PREX1: variants seen among roughly 807,000 people sequenced by gnomAD.
PREX1 encodes the protein phosphatidylinositol-3,4,5-trisphosphate dependent Rac exchange factor 1, also known as phosphatidylinositol 3,4,5-trisphosphate-dependent Rac exchanger 1 protein.
A neutral mutation model predicts 198.3 loss-of-function variants in PREX1; 41 were observed. The observed-to-expected ratio is 0.21, with a 90% CI of 0.16 to 0.27. PREX1 has a LOEUF of 0.27. PREX1 is among the 10% of genes least tolerant of loss of function. The pLI, the probability that PREX1 is intolerant of heterozygous loss-of-function variation, is 1.00. For missense variants in PREX1, 1,620 were observed against 2,200.7 expected (o/e 0.74, Z 5.28); for synonymous variants, 843 against 887.2 (o/e 0.95, Z 0.89).
At chr20:48,818,938 G>C (rs2090470855) in intron 1 of PREX1, among the ~76,000 whole-genome samples, 1 of 152,184 alleles carries the variant, frequency 6.6e-6, no homozygotes, top group African/African-American at 2.4e-5. Context: ...GCCTCCTCCA[G>C]GAAGCCTGCC....
intron 1 of PREX1, chr20:48,821,840 G>C (rs1366888740): frequency 1.3e-5 from 2 of 152,216 alleles, no homozygotes; most frequent in Non-Finnish European, 2.9e-5. Context: ...TCTTCTTAAA[G>C]TGACAGTTAA....
chr20:48,809,162 A>G (rs2090424335), intron 1 of PREX1, among the ~76,000 whole-genome samples: 1 of 152,214 alleles, frequency 6.6e-6, no homozygotes, highest in African/African-American at 2.4e-5. Flanking sequence ...ATCCACAGGG[A>G]GAGCTGGAAT....
the PREX1 span, among the ~76,000 whole-genome samples, chr20:48,869,889 T>A: frequency 6.6e-6 from 1 of 152,158 alleles, no homozygotes; most frequent in Non-Finnish European, 1.5e-5. Context: ...AAACACCTAA[T>A]GCACGCTGGG....
intron 4 of PREX1, among the ~76,000 whole-genome samples, chr20:48,727,590 C>A (rs1377349783): frequency 6.6e-6 from 1 of 152,198 alleles, no homozygotes; most frequent in Non-Finnish European, 1.5e-5. Flanking sequence ...TTATTCTCAT[C>A]TCACAGCTTA....
rs764337634 is a variant in PREX1, at chr20:48,657,089, A to C, written c.2074T>G (p.Phe692Val). 1 of 1,610,022 alleles carries C rather than the reference A, an allele frequency of 6.2e-7. No homozygotes were observed. The highest frequency in any genetic ancestry group is 8.5e-7 in the Non-Finnish European group (1 of 1,177,992). ...AGGCGCAGAGGGCGGCGGGAGCAGAAGGACTGGTTGAGGATGGACTCCACC... is the reference window on the plus strand; with the variant it reads ...AGGCGCAGAGGGCGGCGGGAGCAGACGGACTGGTTGAGGATGGACTCCACC... ...SEVESILNQS[F>V]CSRRPLRLLV... is the part of the protein sequence containing the mutation. The change falls in exon 18 of 40, where the codon TTC becomes GTC. Residue 692 changes from phenylalanine (F) to valine (V), a missense_variant. Phe to Val is a conservative substitution (Grantham distance 50). Transcript: ENST00000371941.
chr20:48,734,032 G>A lies in PREX1; in HGVS notation c.519+514C>T, dbSNP rs78909076. 4.0e-3 allele frequency among the ~76,000 whole-genome samples: 610 copies of A among 152,266 alleles called. 8 individuals carry two copies. The highest frequency in any genetic ancestry group is 0.014 in the African/African-American group (579 of 41,544). ...CCTCCCAAGTGCTGGGATTACAGGC[G>A]TGAGTCCCCGCACCTGGCCGCTTAA... is the stretch of plus-strand genomic sequence containing the variant. On this transcript the variant is annotated intron_variant, in intron 4 of 39. Coordinates refer to ENST00000371941, the MANE Select transcript of PREX1 (RefSeq NM_020820.4).
chr20:48,802,143 A>C (rs978084945), intron 1 of PREX1, among the ~76,000 whole-genome samples: 3 of 149,510 alleles, frequency 2.0e-5, no homozygotes, highest in Admixed American at 6.7e-5. Flanking sequence ...CCCCATCCCC[A>C]CCCCCGCCAA....
chr20:48,671,736 G>A (rs573451762), intron 14 of PREX1, among the ~76,000 whole-genome samples: 6 of 150,760 alleles, frequency 4.0e-5, no homozygotes, highest in Admixed American at 6.6e-5. Flanking sequence ...GATCTCTCCC[G>A]CACAGAAAGA....
At chr20:48,656,444 C>T (rs1310355642) in intron 18 of PREX1, 2 of 456,418 alleles carry the variant, frequency 4.4e-6, no homozygotes, top group East Asian at 1.4e-4. Flanking sequence ...CGTTACCCTA[C>T]AGACCTCACT....
At chr20:48,762,874 T>G (rs1439055891) in intron 1 of PREX1, among the ~76,000 whole-genome samples, 1 of 152,162 alleles carries the variant, frequency 6.6e-6, no homozygotes, top group Admixed American at 6.5e-5. Flanking sequence ...GGCTAATGTT[T>G]GTATTTTTAG....
At chr20:48,875,173 G>A in the PREX1 span, among the ~76,000 whole-genome samples, 1 of 152,222 alleles carries the variant, frequency 6.6e-6, no homozygotes. Flanking sequence ...CGCTCAGGGG[G>A]CTTCATTCAG....
intron 5 of PREX1, among the ~76,000 whole-genome samples, chr20:48,718,125 A>G (rs1312604833): frequency 6.6e-6 from 1 of 152,238 alleles, no homozygotes; most frequent in Admixed American, 6.5e-5. Context: ...CGTGCCCTGC[A>G]GGTATCTGTG....
chr20:48,732,025 G>T (rs2090036734), intron 4 of PREX1, among the ~76,000 whole-genome samples: 2 of 152,220 alleles, frequency 1.3e-5, no homozygotes, highest in African/African-American at 2.4e-5. Context: ...TCACAGGGTG[G>T]TGCTGCCTGC....
chr20:48,695,260 A>C (rs761015329), intron 7 of PREX1, among the ~76,000 whole-genome samples: 3 of 152,188 alleles, frequency 2.0e-5, no homozygotes, highest in Non-Finnish European at 4.4e-5. Flanking sequence ...TGGAATCACA[A>C]GTGTGTACTT....
intron 3 of PREX1, among the ~76,000 whole-genome samples, chr20:48,739,039 G>C (rs574822344): frequency 6.6e-6 from 1 of 152,268 alleles, no homozygotes; most frequent in Admixed American, 6.5e-5. Flanking sequence ...ACCTGCAATG[G>C]CTTTCACTGA....
rs766683793 is a variant in PREX1, at chr20:48,649,551, G to C, written c.3054C>G (p.Thr1018=). ...EQGHLNPMSY[T]QHCITTMAAP... ...CAGCCATGGTGGTGATGCAGTGCTG[G>C]GTGTACGACATGGGGTTCAGGTGGC... The change falls in exon 25 of 40, where the codon ACC becomes ACG. Residue 1018 remains threonine (T), a synonymous_variant. Coordinates refer to ENST00000371941, the MANE Select transcript of PREX1 (RefSeq NM_020820.4). The C allele has an allele frequency of 6.2e-7, 1 of 1,606,058 alleles. No homozygotes were observed. Among genetic ancestry groups the C allele is most frequent in the Non-Finnish European group, 8.5e-7 (1 of 1,175,760 alleles).
At chr20:48,762,101 TACCCTC>T in intron 1 of PREX1, among the ~76,000 whole-genome samples, 1 of 152,308 alleles carries the variant, frequency 6.6e-6, no homozygotes, top group East Asian at 1.9e-4. Flanking sequence ...ACTTCGCCTT[TACCCTC>T]ACCCAGGGCA....
intron 1 of PREX1, among the ~76,000 whole-genome samples, chr20:48,794,926 GTTGA>G (rs2090354216): frequency 6.6e-6 from 1 of 152,320 alleles, no homozygotes; most frequent in Admixed American, 6.5e-5. Flanking sequence ...TAGCCTATGA[GTTGA>G]TTAAGTGAAA....
chr20:48,625,622 T>A lies in PREX1; in HGVS notation c.*263A>T, dbSNP rs980040063. 3 of 441,978 alleles carry A rather than the reference T, an allele frequency of 6.8e-6. No individual in the cohort carries two copies. The highest frequency in any genetic ancestry group is 6.2e-5 in the African/African-American group (3 of 48,180). The allele number at this position is 441,978 out of a possible 1,614,324, so 27.4% of individuals were successfully genotyped here. On this transcript the variant is annotated 3_prime_UTR_variant, in exon 40 of 40. Transcript: ENST00000371941. ...GAAGGCCAGGCACCAGCTGCTCCCA[T>A]CAGCTCTATGGGTCTCCAGCACCCC...
Sources: allele counts gnomAD v4.1 joint callset (sites outside exome capture counted in the v4.1 genomes callset), GRCh38; gene constraint gnomAD v4.1.1; transcripts MANE v1.5; gene names NCBI Gene and HGNC (gene_info 2026-07-23, HGNC 2026-07-21).